ENAH: variants seen among roughly 807,000 people sequenced by gnomAD.
ENAH encodes ENAH actin regulator.
A neutral mutation model predicts 78.7 loss-of-function variants in ENAH; 23 were observed. The ratio of observed to expected loss-of-function variants is 0.29; its 90% CI spans 0.21 to 0.41. The LOEUF (loss-of-function observed/expected upper bound fraction) is 0.41, where lower values mean the gene tolerates loss of function less well. Among genes scored for constraint, ENAH ranks in the 10% least tolerant of loss-of-function variants. The pLI is 1.00. For missense variants in ENAH, 544 were observed against 691.0 expected, an observed-to-expected ratio of 0.79 and a Z score of 2.39; for synonymous variants, 226 against 241.0, an observed-to-expected ratio of 0.94 and a Z score of 0.58.
Position 225,567,203 on chromosome 1 carries a change from T to C in ENAH, c.171+46A>G, listed in dbSNP as rs754486328. The C allele has an allele frequency of 1.7e-5, 27 of 1,590,590 alleles. No homozygotes were observed. The African/African-American group carries it at 2.7e-4, about 16-fold the overall frequency. On this transcript the variant is annotated intron_variant, in intron 2 of 13. Transcript: ENST00000366843. ...ATTTTACGGAATATGCCAAGTCCTT[T>C]TGTAATACTAAATCATTTTTAACAA...
chr1:225,549,599 T>G (rs868749529), intron 3 of ENAH, among the ~76,000 whole-genome samples: 2 of 152,332 alleles, frequency 1.3e-5, no homozygotes, highest in Middle Eastern at 6.8e-3. Context: ...CCAATCTCAT[T>G]TCTAAAACAA....
chr1:225,576,936 ACC>A (rs2096791196), intron 1 of ENAH, among the ~76,000 whole-genome samples: 1 of 152,072 alleles, frequency 6.6e-6, no homozygotes, highest in Non-Finnish European at 1.5e-5. Context: ...GGAGTTCAAG[ACC>A]AGCCTGGGCA....
At chr1:225,516,573 C>T (rs1039281180) in intron 6 of ENAH, among the ~76,000 whole-genome samples, 8 of 152,120 alleles carry the variant, frequency 5.3e-5, no homozygotes, top group Non-Finnish European at 4.4e-5. Flanking sequence ...GCAAAGTTTT[C>T]CCAGTGAAAG....
At chr1:225,623,217 G>A (rs1657324845) in intron 1 of ENAH, among the ~76,000 whole-genome samples, 1 of 152,076 alleles carries the variant, frequency 6.6e-6, no homozygotes, top group Non-Finnish European at 1.5e-5. Context: ...TCTATAATTA[G>A]CAAAGTAAAT....
chr1:225,527,592 C>T (rs556454103), intron 4 of ENAH, among the ~76,000 whole-genome samples: 2 of 152,076 alleles, frequency 1.3e-5, no homozygotes, highest in African/African-American at 2.4e-5. Context: ...ACAGATTGTA[C>T]GGGATATATG....
rs2096754038 is a variant in ENAH, at chr1:225,570,184, A to T, written c.6-2770T>A. On this transcript the variant is annotated intron_variant, in intron 1 of 13. Coordinates refer to ENST00000366843, the MANE Select transcript of ENAH (RefSeq NM_018212.6). Reference sequence around the variant, plus strand: ...ATGCTCCATCTCAAAAAAAAAAAAAAAAATACATTAGGCACTCAGAGAAGC... The same window carrying T: ...ATGCTCCATCTCAAAAAAAAAAAAATAAATACATTAGGCACTCAGAGAAGC... Among the ~76,000 whole-genome samples, 3 of 151,672 alleles carry T rather than the reference A, an allele frequency of 2.0e-5. No homozygotes were observed. In the South Asian group the frequency reaches 6.3e-4, roughly 32 times the overall value.
chr1:225,586,249 AAAAAAAAAAGG>A (rs2096845845), intron 1 of ENAH, among the ~76,000 whole-genome samples: 1 of 150,860 alleles, frequency 6.6e-6, no homozygotes, highest in Non-Finnish European at 1.5e-5. Flanking sequence ...CTCAAAAAAA[AAAAAAAAAAGG>A]AAGAAAAAGA....
chr1:225,517,806 T>C (rs2096433658), intron 5 of ENAH: 1 of 1,551,254 alleles, frequency 6.4e-7, no homozygotes, highest in Non-Finnish European at 8.7e-7. Context: ...TCGCTGAGTG[T>C]CGCAGTGGTG....
intron 9 of ENAH, among the ~76,000 whole-genome samples, chr1:225,512,322 T>C (rs1028573273): frequency 1.3e-5 from 2 of 152,190 alleles, no homozygotes. Flanking sequence ...GCGAATTCCT[T>C]CCTTTTAAAT....
At chr1:225,646,684 G>A (rs1025920334) in intron 1 of ENAH, among the ~76,000 whole-genome samples, 1 of 152,036 alleles carries the variant, frequency 6.6e-6, no homozygotes, top group African/African-American at 2.4e-5. Flanking sequence ...ACCTGCTCAG[G>A]AGGCTGAGGC....
At chr1:225,530,894 T>C (rs1466845320) in intron 3 of ENAH, among the ~76,000 whole-genome samples, 1 of 152,276 alleles carries the variant, frequency 6.6e-6, no homozygotes, top group African/African-American at 2.4e-5. Context: ...CATTTATATA[T>C]GAAGAGCTTG....
chr1:225,527,347 T>C (rs76838879), intron 4 of ENAH, among the ~76,000 whole-genome samples: 1 of 152,276 alleles, frequency 6.6e-6, no homozygotes, highest in Admixed American at 6.5e-5. Flanking sequence ...GATTTTTATA[T>C]AAATAACCAC....
At chr1:225,558,572 T>G (rs1029747386) in intron 2 of ENAH, among the ~76,000 whole-genome samples, 1 of 151,406 alleles carries the variant, frequency 6.6e-6, no homozygotes, top group Non-Finnish European at 1.5e-5. Flanking sequence ...ACAAGGACTT[T>G]AGAGACAAAC....
chr1:225,603,312 C>CT (rs1261029972), intron 1 of ENAH, among the ~76,000 whole-genome samples: 2 of 152,044 alleles, frequency 1.3e-5, no homozygotes, highest in Non-Finnish European at 2.9e-5. Context: ...ACCGATGGCT[C>CT]TTTATTATAT....
At chr1:225,617,152 T>C (rs2840959) in intron 1 of ENAH, among the ~76,000 whole-genome samples, 100,921 of 151,816 alleles carry the variant, frequency 0.66, 33,740 homozygotes, top group South Asian at 0.77. Flanking sequence ...TGACCTCAGA[T>C]CAACAAATGC....
At chr1:225,521,814 G>C (rs944749694) in intron 4 of ENAH, among the ~76,000 whole-genome samples, 2 of 151,308 alleles carry the variant, frequency 1.3e-5, no homozygotes, top group African/African-American at 4.9e-5. Context: ...TTTCTTCCCC[G>C]AGACAGAGTC....
At chr1:225,509,037 TCTTGCTTTACTC>T (rs2096356403) in intron 10 of ENAH, among the ~76,000 whole-genome samples, 1 of 152,198 alleles carries the variant, frequency 6.6e-6, no homozygotes, top group East Asian at 1.9e-4. Flanking sequence ...TCATTATTGA[TCTTGCTTTACTC>T]CTCATCAACT....
At chr1:225,532,437 A>AGT (rs2096542489) in intron 3 of ENAH, among the ~76,000 whole-genome samples, 1 of 152,154 alleles carries the variant, frequency 6.6e-6, no homozygotes, top group Admixed American at 6.5e-5. Context: ...GCTGAATGTG[A>AGT]GTAGGTTAGA....
At chr1:225,571,876 C>A (rs1440184769) in intron 1 of ENAH, among the ~76,000 whole-genome samples, 1 of 152,172 alleles carries the variant, frequency 6.6e-6, no homozygotes, top group East Asian at 1.9e-4. Flanking sequence ...CGCACCCTCA[C>A]ACCTTACCCT....
Sources: allele counts gnomAD v4.1 joint callset (sites outside exome capture counted in the v4.1 genomes callset), GRCh38; gene constraint gnomAD v4.1.1; transcripts MANE v1.5; gene names NCBI Gene and HGNC (gene_info 2026-07-23, HGNC 2026-07-21).